Variants in ALKBH2 observed in about 807,000 individuals in gnomAD.
ALKBH2 encodes DNA oxidative demethylase ALKBH2.
In ALKBH2, 19 loss-of-function variants were observed where a neutral mutation model predicts 19.7. That is an observed-to-expected ratio of 0.97 (90% confidence interval 0.67 to 1.42). The LOEUF (loss-of-function observed/expected upper bound fraction) is 1.42, where lower values mean the gene tolerates loss of function less well. Ranked by LOEUF, ALKBH2 falls within the 40% of genes most tolerant of loss-of-function variation. The pLI is 0.00. For synonymous variants in ALKBH2, 135 were observed against 131.2 expected, an observed-to-expected ratio of 1.03 and a Z score of -0.20; for missense variants, 310 against 328.5, an observed-to-expected ratio of 0.94 and a Z score of 0.43.
In ALKBH2 at chr12:109,093,299, G is replaced by C. The variant is rs990241724; in HGVS notation, c.-204C>G. On this transcript the variant is annotated 5_prime_UTR_variant, in exon 1 of 4. It adds an upstream start codon to the 5' untranslated region. Transcript: ENST00000429722. Reference sequence around the variant, plus strand: ...AGATCAGTCTAGTGATGCTCAAGTGGATACGATTCAGAAGCGAGACGCAAA... The same window carrying C: ...AGATCAGTCTAGTGATGCTCAAGTGCATACGATTCAGAAGCGAGACGCAAA... The C allele has an allele frequency of 6.5e-6, 1 of 153,180 alleles. No homozygotes were observed. Among genetic ancestry groups the C allele is most frequent in the Non-Finnish European group, 1.5e-5 (1 of 68,712 alleles). The allele number at this position is 153,180 out of a possible 1,614,324, so 9.5% of individuals were successfully genotyped here. A position where few individuals can be genotyped will look rare whatever the true frequency, so the allele number is the denominator to read the frequency against.
chr12:109,088,749 C>G lies in ALKBH2; in HGVS notation c.480-237G>C, dbSNP rs1365994780. On this transcript the variant is annotated intron_variant, in intron 3 of 3. Coordinates refer to ENST00000429722, the MANE Select transcript of ALKBH2 (RefSeq NM_001145374.2). The surrounding 1 kb of genome is among the most constrained non-coding windows in gnomAD (Gnocchi z 4.2). ...TTATTATTTTTGAGAGGGTCTCGCT[C>G]TGTCACCCAGGCTGAAGTGCAGTGG... Among the ~76,000 whole-genome samples, 1 of 152,204 alleles carries G rather than the reference C, an allele frequency of 6.6e-6. No individual in the cohort carries two copies. Among genetic ancestry groups the G allele is most frequent in the Non-Finnish European group, 1.5e-5 (1 of 68,038 alleles).
chr12:109,089,700 G>A, intron 3 of ALKBH2: 1 of 370,440 alleles, frequency 2.7e-6, no homozygotes, highest in Non-Finnish European at 5.1e-6. Flanking sequence ...GATCGCTTGA[G>A]CCTAGCAGTT....
At chr12:109,090,607 C>G (rs143667385) in intron 2 of ALKBH2, among the ~76,000 whole-genome samples, 59 of 151,466 alleles carry the variant, frequency 3.9e-4, no homozygotes, top group African/African-American at 1.4e-3. Context: ...TTTTTGTAAG[C>G]TCACTGCAAC....
At chr12:109,089,886 T>C (rs2135861613) in intron 3 of ALKBH2, 123 bp downstream of exon 3, 2 of 1,051,120 alleles carry the variant, frequency 1.9e-6, no homozygotes, top group Admixed American at 2.1e-5. Context: ...TATTCCACTC[T>C]TAGAGCCCCA....
At chr12:109,092,369 G>T in intron 2 of ALKBH2, 138 bp downstream of exon 2, 1 of 1,308,416 alleles carries the variant, frequency 7.6e-7, no homozygotes, top group Non-Finnish European at 1.0e-6. Flanking sequence ...GGTGCTCAGA[G>T]AATATTGGAT....
chr12:109,089,978 G>C lies in ALKBH2; in HGVS notation c.479+31C>G, dbSNP rs2042035973. ...TCCTTTTGGAGGAGACAGAAGACTT[G>C]TAACATTGAGTCCACTAAACAGGGT... On this transcript the variant is annotated intron_variant, in intron 3 of 3. Transcript: ENST00000429722. 3 of 1,611,104 alleles carry C rather than the reference G, an allele frequency of 1.9e-6. No homozygotes were observed. The African/African-American group carries it at 4.0e-5, about 22-fold the overall frequency.
chr12:109,092,767 T>C lies in ALKBH2; in HGVS notation c.20A>G (p.Lys7Arg), dbSNP rs751411519. MDRFLVKGAQGGLLRKQ... is the reference protein window; with the variant it reads MDRFLVRGAQGGLLRKQ... ...CCTCAAAAGGCCCCCTTGAGCCCCT[T>C]TCACCAGGAATCTGTCCATCCTGTC... The change falls in exon 2 of 4, where the codon AAA becomes AGA. Residue 7 changes from lysine (K) to arginine (R), a missense_variant. By Grantham distance (26) the Lys-to-Arg change is conservative (BLOSUM62 2). Coordinates refer to ENST00000429722, the MANE Select transcript of ALKBH2 (RefSeq NM_001145374.2). 42 of 1,613,274 alleles carry C rather than the reference T, an allele frequency of 2.6e-5. No individual in the cohort carries two copies. The highest frequency in any genetic ancestry group is 1.6e-4 in the Middle Eastern group (1 of 6,082).
intron 2 of ALKBH2, among the ~76,000 whole-genome samples, chr12:109,091,466 T>C (rs2042059576): frequency 6.6e-6 from 1 of 152,072 alleles, no homozygotes; most frequent in Non-Finnish European, 1.5e-5. Flanking sequence ...CAAGTGATCC[T>C]CCTGCCTCAG....
rs542360454 is a variant in ALKBH2 at position 109,089,485 on chromosome 12, CCAA to C, written c.479+521_479+523del. 304 of 179,452 alleles carry C rather than the reference CCAA, an allele frequency of 1.7e-3. 1 individual carries two copies. The highest frequency in any genetic ancestry group is 6.8e-3 in the African/African-American group (289 of 42,202). 11.1% of individuals were successfully genotyped at this position (179,452 alleles called of 1,614,324 possible). A position where few individuals can be genotyped will look rare whatever the true frequency, so the allele number is the denominator to read the frequency against. ...ACATCCTGCAAGGCACAGGTCAGCC[CCAA>C]CAACAACGAATGACTGGGCCCAAAA... On this transcript the variant is annotated intron_variant, in intron 3 of 3. Transcript: ENST00000429722.
In ALKBH2 at chr12:109,092,825, C is replaced by T; in HGVS notation, c.-39G>A. The T allele has an allele frequency of 6.4e-7, 1 of 1,563,014 alleles. No homozygotes were observed. Among genetic ancestry groups the T allele is most frequent in the South Asian group, 1.2e-5 (1 of 82,456 alleles). On this transcript the variant is annotated 5_prime_UTR_variant, in exon 2 of 4. Coordinates refer to ENST00000429722, the MANE Select transcript of ALKBH2 (RefSeq NM_001145374.2). Reference sequence around the variant, plus strand: ...GAAAGAAGGGACGTCAGTGGCGAGGCCAAGACAGAAATTGCTCAAGTTCTA... The same window carrying T: ...GAAAGAAGGGACGTCAGTGGCGAGGTCAAGACAGAAATTGCTCAAGTTCTA...
Position 109,092,694 on chromosome 12 carries a change from T to A in ALKBH2, c.93A>T (p.Gly31=). The part of the protein sequence containing the change: ...EPTGEEPAVL[G]GDKESTRKRP... Reference sequence around the variant, plus strand: ...TCTTCCTTGTGCTTTCTTTGTCTCCTCCCAACACAGCTGGCTCTTCTCCAG... The same window carrying A: ...TCTTCCTTGTGCTTTCTTTGTCTCCACCCAACACAGCTGGCTCTTCTCCAG... Residue 31 remains glycine, a synonymous_variant, in exon 2 of 4, where the codon GGA becomes GGT. Coordinates refer to ENST00000429722, the MANE Select transcript of ALKBH2 (RefSeq NM_001145374.2). 1 of 1,614,154 alleles carries A rather than the reference T, an allele frequency of 6.2e-7. No individual in the cohort carries two copies. Among genetic ancestry groups the A allele is most frequent in the South Asian group, 1.1e-5 (1 of 91,088 alleles).
At chr12:109,091,236 A>G (rs1394551959) in intron 2 of ALKBH2, among the ~76,000 whole-genome samples, 1 of 152,166 alleles carries the variant, frequency 6.6e-6, no homozygotes. Flanking sequence ...TAATTTAAAA[A>G]TTATCCAGGC....
At position 109,092,804 on chromosome 12, in the gene ALKBH2, G is replaced by A; in HGVS notation, c.-18C>T. The A allele has an allele frequency of 5.0e-6, 8 of 1,594,342 alleles. No individual in the cohort carries two copies. The highest frequency in any genetic ancestry group is 5.1e-6 in the Non-Finnish European group (6 of 1,171,906). ...CTGTCCATCCTGTCCCCACAGGAAA[G>A]AAGGGACGTCAGTGGCGAGGCCAAG... On this transcript the variant is annotated 5_prime_UTR_variant, in exon 2 of 4. Transcript: ENST00000429722.
intron 2 of ALKBH2, among the ~76,000 whole-genome samples, chr12:109,091,536 TTTTTG>T (rs748682751): frequency 3.3e-5 from 5 of 151,754 alleles, no homozygotes; most frequent in South Asian, 2.1e-4. Flanking sequence ...GGGCTTTCGT[TTTTTG>T]TTTTGTTTTG....
At position 109,088,431 on chromosome 12, in the gene ALKBH2, G is replaced by C; in HGVS notation, c.561C>G (p.Val187=). The stretch of plus-strand genomic sequence containing the variant: ...CAAAGTCTCTGCAGGCACCGAAGGA[G>C]ACAGAGGCAATGGGGCTCCCAGGGG... ...ELAPGSPIAS[V]SFGACRDFVF... Residue 187 remains valine, a synonymous_variant, in exon 4 of 4, where the codon GTC becomes GTG. Transcript: ENST00000429722. This position sits in a 1 kb window ranked among gnomAD's most constrained non-coding sequence, Gnocchi z 4.2. 6.2e-7 allele frequency: 1 copy of C among 1,613,826 alleles called. No individual in the cohort carries two copies. Among genetic ancestry groups the C allele is most frequent in the Non-Finnish European group, 8.5e-7 (1 of 1,179,906 alleles).
intron 3 of ALKBH2, 114 bp downstream of exon 3, chr12:109,089,895 C>A: frequency 9.0e-7 from 1 of 1,112,190 alleles, no homozygotes; most frequent in East Asian, 2.5e-5. Context: ...CTTAGAGCCC[C>A]AGTGTACTAA....
rs1407543577 is a variant in ALKBH2 at position 109,092,509 on chromosome 12, GT to G, written c.277del (p.Thr93GlnfsTer28). The G allele has an allele frequency of 6.4e-7, 1 of 1,573,208 alleles. No homozygotes were observed. The highest frequency in any genetic ancestry group is 8.6e-7 in the Non-Finnish European group (1 of 1,157,956). On this transcript the variant is annotated frameshift_variant, in exon 2 of 4. Coordinates refer to ENST00000429722, the MANE Select transcript of ALKBH2 (RefSeq NM_001145374.2). LOFTEE classifies it high-confidence loss of function. The stretch of plus-strand genomic sequence containing the variant: ...CACACACACACCCCTCTGCTTACCT[GT>G]AAAATATTCTACTTCTTTCTCCAAC... ...QELEKEVEYF[T>X]GALARVQVFG...
At chr12:109,089,932 T>C (rs2042034585) in intron 3 of ALKBH2, 77 bp downstream of exon 3, 2 of 1,525,582 alleles carry the variant, frequency 1.3e-6, no homozygotes, top group South Asian at 1.1e-5. Flanking sequence ...ATGAACCAAA[T>C]AGGGTGGAAC....
At chr12:109,090,854 T>G (rs1447016940) in intron 2 of ALKBH2, among the ~76,000 whole-genome samples, 3 of 152,196 alleles carry the variant, frequency 2.0e-5, no homozygotes, top group Non-Finnish European at 4.4e-5. Flanking sequence ...GCCCCAAATG[T>G]TCATGTAAGA....
Sources: gnomAD v4.1 joint callset for allele counts (sites outside exome capture counted in the v4.1 genomes callset) on GRCh38, gnomAD v4.1.1 for gene constraint, Gnocchi (gnomAD v3.1) non-coding constraint, MANE v1.5 for transcripts, NCBI Gene and HGNC (gene_info 2026-07-23, HGNC 2026-07-21) for gene names.